RIMS2: variants seen among roughly 807,000 people sequenced by gnomAD.
RIMS2 encodes the protein regulating synaptic membrane exocytosis protein 2.
RIMS2 carries 59 observed loss-of-function variants against 174.4 expected under a neutral mutation model. The ratio of observed to expected loss-of-function variants is 0.34; its 90% CI spans 0.27 to 0.42. The LOEUF (loss-of-function observed/expected upper bound fraction) is 0.42, where lower values mean the gene tolerates loss of function less well. Among genes scored for constraint, RIMS2 ranks in the 10% least tolerant of loss-of-function variants. RIMS2 has a pLI of 1.00. For synonymous variants in RIMS2, 606 were observed against 572.5 expected, an observed-to-expected ratio of 1.06 and a Z score of -0.84; for missense variants, 1,620 against 1,666.3, an observed-to-expected ratio of 0.97 and a Z score of 0.48.
chr8:104,065,878 A>G (rs944286889), intron 19 of RIMS2, among the ~76,000 whole-genome samples: 3 of 152,140 alleles, frequency 2.0e-5, no homozygotes, highest in Non-Finnish European at 4.4e-5. Flanking sequence ...AGAAAGCTCT[A>G]TTTGCATCTT....
In RIMS2 at chr8:104,182,973, G is replaced by A. The variant is rs1427493834; in HGVS notation, c.3335-61943G>A. ...AGCTATTCCAGTGATCCAGCTAAAA[G>A]CACACTCTTCCTTTGAGATTTAGGG... On this transcript the variant is annotated intron_variant, in intron 19 of 23. Transcript: ENST00000504942. Among the ~76,000 whole-genome samples, 3 of 151,582 alleles carry A rather than the reference G, an allele frequency of 2.0e-5. No homozygotes were observed. In the Admixed American group the frequency reaches 2.0e-4, roughly 10 times the overall value.
intron 3 of RIMS2, among the ~76,000 whole-genome samples, chr8:103,837,630 C>T (rs550531787): frequency 4.0e-4 from 60 of 150,634 alleles, no homozygotes; most frequent in African/African-American, 1.0e-3. Context: ...TTTGTCCTTG[C>T]GATAGTTTGC....
intron 19 of RIMS2, among the ~76,000 whole-genome samples, chr8:104,078,525 A>G (rs2097344295): frequency 6.6e-6 from 1 of 152,134 alleles, no homozygotes; most frequent in Non-Finnish European, 1.5e-5. Flanking sequence ...GGAACTACCT[A>G]TGTGACCTCA....
At chr8:103,622,972 G>A (rs1418493578) in intron 1 of RIMS2, among the ~76,000 whole-genome samples, 1 of 152,152 alleles carries the variant, frequency 6.6e-6, no homozygotes, top group Non-Finnish European at 1.5e-5. Context: ...ACATATGAGA[G>A]CACTTAAAAT....
At chr8:104,071,717 T>A (rs2097199679) in intron 19 of RIMS2, among the ~76,000 whole-genome samples, 4 of 152,136 alleles carry the variant, frequency 2.6e-5, no homozygotes, top group Admixed American at 2.6e-4. Context: ...ATTACAGGCA[T>A]GAGCCACCAC....
intron 1 of RIMS2, 102 bp downstream of exon 2, chr8:103,652,339 A>G (rs1410526622): frequency 7.9e-6 from 5 of 632,070 alleles, no homozygotes; most frequent in Non-Finnish European, 1.3e-5. Context: ...GGCTGCAGCT[A>G]GTGTGTCTTC....
In RIMS2 at chr8:103,657,736, T is replaced by C. The variant is rs1398661217; in HGVS notation, c.177-39350T>C. Among the ~76,000 whole-genome samples, 5 of 152,320 alleles carry C rather than the reference T, an allele frequency of 3.3e-5. No homozygotes were observed. The South Asian group carries it at 6.2e-4, about 19-fold the overall frequency. On this transcript the variant is annotated intron_variant, in intron 1 of 23. Transcript: ENST00000504942. ...TTTTAATCCAGTTTCTTTATGAAAA[T>C]GAAGGATTCAAACTTGCTTCATTCT... is the stretch of plus-strand genomic sequence containing the variant.
chr8:104,049,651 T>G (rs2096753012), intron 19 of RIMS2, among the ~76,000 whole-genome samples: 1 of 152,156 alleles, frequency 6.6e-6, no homozygotes, highest in African/African-American at 2.4e-5. Flanking sequence ...ATAATTTGTG[T>G]GTATGTGTGC....
chr8:103,908,166 C>T (rs1301706968), intron 4 of RIMS2, among the ~76,000 whole-genome samples: 1 of 151,924 alleles, frequency 6.6e-6, no homozygotes, highest in African/African-American at 2.4e-5. Flanking sequence ...CTCAGCCTCC[C>T]GAATAGCTTG....
Position 103,787,766 on chromosome 8 carries a change from A to C in RIMS2, c.698+21229A>C, listed in dbSNP as rs76392791. On this transcript the variant is annotated intron_variant, in intron 3 of 23. Coordinates refer to ENST00000504942, the Ensembl canonical transcript of RIMS2. The stretch of plus-strand genomic sequence containing the variant: ...TTATGTTCTTGGAGTTGCTCTTCTC[A>C]AGGAGTATCTTTGTGGCGTTCTCTG... 4.0e-5 allele frequency among the ~76,000 whole-genome samples: 6 copies of C among 151,590 alleles called. No homozygotes were observed. In the East Asian group the frequency reaches 5.8e-4, roughly 15 times the overall value.
At chr8:103,514,396 A>G (rs889798541) in intron 1 of RIMS2, among the ~76,000 whole-genome samples, 7 of 152,238 alleles carry the variant, frequency 4.6e-5, no homozygotes, top group African/African-American at 1.7e-4. Context: ...GTAGAAAACA[A>G]TAAAGGAGGT....
chr8:103,572,135 T>C (rs2092861830), intron 1 of RIMS2, among the ~76,000 whole-genome samples: 1 of 152,126 alleles, frequency 6.6e-6, no homozygotes, highest in South Asian at 2.1e-4. Flanking sequence ...TTCCAGTGGG[T>C]TCATGGTCTC....
intron 3 of RIMS2, chr8:103,819,495 A>C: frequency 6.2e-7 from 1 of 1,611,788 alleles, no homozygotes; most frequent in Non-Finnish European, 8.5e-7. Flanking sequence ...AAGGGGAAAA[A>C]AAAAGAAAGA....
At chr8:103,988,016 C>T (rs559390373) in intron 16 of RIMS2, among the ~76,000 whole-genome samples, 3 of 152,018 alleles carry the variant, frequency 2.0e-5, no homozygotes, top group Non-Finnish European at 4.4e-5. Context: ...AAATCTAATG[C>T]CATAACAATC....
At chr8:103,877,153 C>T (rs1266861007) in intron 3 of RIMS2, among the ~76,000 whole-genome samples, 2 of 151,474 alleles carry the variant, frequency 1.3e-5, no homozygotes, top group East Asian at 3.9e-4. Flanking sequence ...TACTAGTTTA[C>T]ATTCCCACCA....
At chr8:103,579,132 A>T (rs905347993) in intron 1 of RIMS2, among the ~76,000 whole-genome samples, 1 of 152,126 alleles carries the variant, frequency 6.6e-6, no homozygotes, top group African/African-American at 2.4e-5. Context: ...GCCAGGCACA[A>T]TGGTATGTGC....
At chr8:104,215,983 A>G (rs1464249323) in intron 19 of RIMS2, among the ~76,000 whole-genome samples, 1 of 152,124 alleles carries the variant, frequency 6.6e-6, no homozygotes, top group Non-Finnish European at 1.5e-5. Context: ...CATCCTTCAA[A>G]ATGTTTGGTT....
At chr8:103,752,270 G>C (rs1041097029) in intron 2 of RIMS2, among the ~76,000 whole-genome samples, 1 of 152,046 alleles carries the variant, frequency 6.6e-6, no homozygotes, top group Non-Finnish European at 1.5e-5. Flanking sequence ...TAGATATGCA[G>C]CGTTATTTCT....
intron 19 of RIMS2, among the ~76,000 whole-genome samples, chr8:104,203,440 T>C (rs922184116): frequency 1.3e-5 from 2 of 150,988 alleles, no homozygotes; most frequent in African/African-American, 4.9e-5. Flanking sequence ...TTAAAACCAA[T>C]TGAATTTTTA....
Sources: allele counts gnomAD v4.1 joint callset (sites outside exome capture counted in the v4.1 genomes callset), GRCh38; gene constraint gnomAD v4.1.1; transcripts MANE v1.5; gene names NCBI Gene and HGNC (gene_info 2026-07-23, HGNC 2026-07-21).